Variants in SLC9A9 observed in about 807,000 individuals in gnomAD.
SLC9A9 encodes the protein sodium/hydrogen exchanger 9.
In SLC9A9, 62 loss-of-function variants were observed where a neutral mutation model predicts 77.8. The ratio of observed to expected loss-of-function variants is 0.80; its 90% CI spans 0.65 to 0.98. The LOEUF (loss-of-function observed/expected upper bound fraction) is 0.98. Among genes scored for constraint, SLC9A9 ranks in the 50% least tolerant of loss-of-function variants. The pLI, the probability that SLC9A9 is intolerant of heterozygous loss-of-function variation, is 0.00. For synonymous variants in SLC9A9, 320 were observed against 283.5 expected (o/e 1.13, Z -1.29); for missense variants, 775 against 774.9 (o/e 1.00, Z 0.00).
In SLC9A9 at chr3:143,265,805, A is replaced by G; in HGVS notation, c.*897T>C. 1 of 559,690 alleles carries G rather than the reference A, an allele frequency of 1.8e-6. No individual in the cohort carries two copies. The highest frequency in any genetic ancestry group is 1.9e-5 in the African/African-American group (1 of 52,752). The allele number at this position is 559,690 out of a possible 1,614,324, so 34.7% of individuals were successfully genotyped here. ...CATCAGCTGTGAATGCTGGAATTGG[A>G]GGACAGGTTGGGGCTCCTGCACAGT... is the stretch of plus-strand genomic sequence containing the variant. On this transcript the variant is annotated 3_prime_UTR_variant, in exon 16 of 16. Transcript: ENST00000316549.
chr3:143,828,961 C>T (rs965873458), intron 2 of SLC9A9, among the ~76,000 whole-genome samples: 1 of 152,178 alleles, frequency 6.6e-6, no homozygotes, highest in South Asian at 2.1e-4. Context: ...CCTTGATACT[C>T]CCTAAATCAG....
At chr3:143,574,875 C>T (rs185974490) in intron 7 of SLC9A9, among the ~76,000 whole-genome samples, 16 of 152,130 alleles carry the variant, frequency 1.1e-4, no homozygotes, top group East Asian at 1.9e-4. Context: ...ATGGATCATG[C>T]GGAGATGATT....
intron 14 of SLC9A9, among the ~76,000 whole-genome samples, chr3:143,298,018 A>C (rs1057418663): frequency 2.6e-5 from 4 of 152,214 alleles, no homozygotes; most frequent in African/African-American, 9.6e-5. Flanking sequence ...AAAATCACCC[A>C]TGGAGGCCCT....
chr3:143,685,961 C>A (rs374617832), intron 5 of SLC9A9, among the ~76,000 whole-genome samples: 4 of 152,158 alleles, frequency 2.6e-5, no homozygotes, highest in African/African-American at 9.7e-5. Flanking sequence ...AATATATCTT[C>A]TTTGGTGGAC....
intron 12 of SLC9A9, among the ~76,000 whole-genome samples, chr3:143,459,810 A>AT (rs1245638035): frequency 6.6e-6 from 1 of 151,964 alleles, no homozygotes; most frequent in East Asian, 1.9e-4. Context: ...ATTTTCTATG[A>AT]TTTTCCCATA....
rs1934421970 is a variant in SLC9A9, at chr3:143,718,798, C to T, written c.534-25491G>A. Among the ~76,000 whole-genome samples, 5 of 152,254 alleles carry T rather than the reference C, an allele frequency of 3.3e-5. No homozygotes were observed. The South Asian group carries it at 1.0e-3, about 32-fold the overall frequency. On this transcript the variant is annotated intron_variant, in intron 4 of 15. Coordinates refer to ENST00000316549, the MANE Select transcript of SLC9A9 (RefSeq NM_173653.4). Reference sequence around the variant, plus strand: ...AAATTATCAGTCATGAATTCCATTCCTTTAGGGCTTTGATTTCTGAGTTTC... The same window carrying T: ...AAATTATCAGTCATGAATTCCATTCTTTTAGGGCTTTGATTTCTGAGTTTC...
intron 9 of SLC9A9, among the ~76,000 whole-genome samples, chr3:143,540,980 C>T (rs13061398): frequency 0.11 from 16,711 of 152,108 alleles, 1,137 homozygotes; most frequent in East Asian, 0.15. Flanking sequence ...CAACCATATA[C>T]GAAATTAAAA....
At chr3:143,777,972 C>T (rs35738210) in intron 4 of SLC9A9, among the ~76,000 whole-genome samples, 2,256 of 127,354 alleles carry the variant, frequency 0.018, 33 homozygotes, top group Non-Finnish European at 0.026. Context: ...CTTGGCCTCC[C>T]AAACTGCTGG....
intron 2 of SLC9A9, among the ~76,000 whole-genome samples, chr3:143,822,818 A>ACT (rs2009200657): frequency 6.6e-6 from 1 of 151,712 alleles, no homozygotes; most frequent in Non-Finnish European, 1.5e-5. Context: ...TTTCCCTTCC[A>ACT]CTCTCTCTCT....
intron 14 of SLC9A9, among the ~76,000 whole-genome samples, chr3:143,281,732 T>A (rs763234892): frequency 6.6e-6 from 1 of 152,182 alleles, no homozygotes; most frequent in Admixed American, 6.5e-5. Flanking sequence ...GCCTTGAGAA[T>A]CCAGACTACA....
intron 12 of SLC9A9, among the ~76,000 whole-genome samples, chr3:143,402,117 G>C (rs2033875741): frequency 6.6e-6 from 1 of 152,112 alleles, no homozygotes; most frequent in Admixed American, 6.5e-5. Flanking sequence ...TTAAAGATAA[G>C]AACACTGAGA....
At chr3:143,536,047 C>A (rs879839551) in intron 9 of SLC9A9, among the ~76,000 whole-genome samples, 1 of 152,130 alleles carries the variant, frequency 6.6e-6, no homozygotes, top group Admixed American at 6.6e-5. Context: ...TTACTGTTTT[C>A]TAGAATTATC....
chr3:143,371,432 C>T (rs1416983383), intron 13 of SLC9A9, among the ~76,000 whole-genome samples: 1 of 152,034 alleles, frequency 6.6e-6, no homozygotes, highest in Non-Finnish European at 1.5e-5. Context: ...ATTCAGCAAA[C>T]TTTATAGAAT....
chr3:143,799,399 G>C (rs1436084313), intron 2 of SLC9A9, among the ~76,000 whole-genome samples: 1 of 152,190 alleles, frequency 6.6e-6, no homozygotes, highest in African/African-American at 2.4e-5. Context: ...TACAATAATA[G>C]AGTAGAGGCA....
At chr3:143,762,029 A>G (rs1031253265) in intron 4 of SLC9A9, among the ~76,000 whole-genome samples, 4 of 152,226 alleles carry the variant, frequency 2.6e-5, no homozygotes, top group African/African-American at 9.6e-5. Context: ...GGATGGGTTC[A>G]TGTCCTTTGT....
intron 9 of SLC9A9, among the ~76,000 whole-genome samples, chr3:143,545,164 T>C (rs2036765491): frequency 6.6e-6 from 1 of 152,182 alleles, no homozygotes; most frequent in Non-Finnish European, 1.5e-5. Context: ...TAGTTTTATA[T>C]TTTTGCATAC....
chr3:143,531,874 G>A (rs890229634), intron 9 of SLC9A9, among the ~76,000 whole-genome samples: 3 of 152,252 alleles, frequency 2.0e-5, no homozygotes, highest in Admixed American at 2.0e-4. Flanking sequence ...AAGTTAACAT[G>A]ATTTTCAGAC....
At chr3:143,720,922 T>TC (rs202101795) in intron 4 of SLC9A9, among the ~76,000 whole-genome samples, 5,218 of 152,274 alleles carry the variant, frequency 0.034, 286 homozygotes, top group African/African-American at 0.12. Flanking sequence ...TTAAGCCTTA[T>TC]ATGGTTAAAA....
chr3:143,277,243 A>T (rs905143), intron 14 of SLC9A9, among the ~76,000 whole-genome samples: 1 of 152,174 alleles, frequency 6.6e-6, no homozygotes, highest in Admixed American at 6.5e-5. Context: ...CATCTGATCT[A>T]TATCCTTGGA....
Sources: gnomAD v4.1 joint callset for allele counts (sites outside exome capture counted in the v4.1 genomes callset) on GRCh38, gnomAD v4.1.1 for gene constraint, MANE v1.5 for transcripts, NCBI Gene and HGNC (gene_info 2026-07-23, HGNC 2026-07-21) for gene names.